LIMCH1: variants seen among roughly 807,000 people sequenced by gnomAD.
The protein encoded by LIMCH1 is LIM and calponin homology domains 1.
LIMCH1 carries 113 observed loss-of-function variants against 176.5 expected under a neutral mutation model. The ratio of observed to expected loss-of-function variants is 0.64; its 90% CI spans 0.55 to 0.75. The LOEUF (loss-of-function observed/expected upper bound fraction) is 0.75. LIMCH1 is among the 30% of genes least tolerant of loss of function. LIMCH1 has a pLI of 0.00. For missense variants in LIMCH1, 1,674 were observed against 1,814.9 expected (o/e 0.92, Z 1.41); for synonymous variants, 619 against 645.9 (o/e 0.96, Z 0.63).
In LIMCH1 at chr4:41,626,917, A is replaced by G. The variant is rs551444038; in HGVS notation, c.935A>G (p.Tyr312Cys). Residue 312 changes from tyrosine to cysteine, a missense_variant, in exon 8 of 32, where the codon TAT (tyrosine) becomes TGT (cysteine). Tyr to Cys is a radical substitution (Grantham distance 194). Transcript: ENST00000503057. ...ATGGTGCCATTAAATCAACTCCTCT[A>G]TGGCCCTTATCCAAAGAAAGGGGCA... Reference protein sequence around the residue: ...KPMVPLNQLLYGPYPKKGAEK... With the variant: ...KPMVPLNQLLCGPYPKKGAEK... 627 of 1,536,124 alleles carry G rather than the reference A, an allele frequency of 4.1e-4. 13 individuals carry two copies. The South Asian group carries it at 7.2e-3, about 18-fold the overall frequency.
chr4:41,411,797 A>C (rs1368906641), intron 1 of LIMCH1, among the ~76,000 whole-genome samples: 1 of 151,868 alleles, frequency 6.6e-6, no homozygotes, highest in Non-Finnish European at 1.5e-5. Context: ...GTTTCTACTA[A>C]AAATACAAAA....
At chr4:41,693,545 T>C (rs1728011652) in intron 31 of LIMCH1, among the ~76,000 whole-genome samples, 1 of 150,226 alleles carries the variant, frequency 6.7e-6, no homozygotes, top group Admixed American at 6.7e-5. Context: ...GTTTTTATAC[T>C]ATGTATTTTA....
intron 2 of LIMCH1, among the ~76,000 whole-genome samples, chr4:41,511,365 C>A (rs1010571473): frequency 3.9e-5 from 6 of 152,350 alleles, no homozygotes; most frequent in Admixed American, 3.9e-4. Flanking sequence ...CCACAACATC[C>A]CCAGTGCTGC....
At chr4:41,416,759 C>T (rs778751424) in intron 1 of LIMCH1, among the ~76,000 whole-genome samples, 1 of 151,708 alleles carries the variant, frequency 6.6e-6, no homozygotes, top group Non-Finnish European at 1.5e-5. Context: ...ATAATATTTA[C>T]TGAATGTTTA....
intron 1 of LIMCH1, among the ~76,000 whole-genome samples, chr4:41,458,773 CAAA>C (rs779184137): frequency 7.5e-5 from 4 of 53,456 alleles, no homozygotes; most frequent in Admixed American, 1.8e-4. Flanking sequence ...ACTCTGTCAC[CAAA>C]AAAAAAAAAA....
At chr4:41,442,073 T>G (rs769200493) in intron 1 of LIMCH1, among the ~76,000 whole-genome samples, 3 of 152,108 alleles carry the variant, frequency 2.0e-5, no homozygotes, top group Non-Finnish European at 4.4e-5. Context: ...ATCCCAGCAA[T>G]TTGGGAGGCC....
chr4:41,463,454 G>A (rs1487918910), intron 1 of LIMCH1, among the ~76,000 whole-genome samples: 5 of 152,024 alleles, frequency 3.3e-5, no homozygotes, highest in Non-Finnish European at 7.4e-5. Context: ...TTAAATTGGT[G>A]GAAAGCTATG....
chr4:41,594,483 T>A (rs774245839), intron 1 of LIMCH1, among the ~76,000 whole-genome samples: 6 of 152,180 alleles, frequency 3.9e-5, no homozygotes, highest in Non-Finnish European at 7.3e-5. Context: ...TGGAAAAATC[T>A]CAGTGTGAAC....
At position 41,697,648 on chromosome 4, in the gene LIMCH1, AT is replaced by A. The variant is rs1273637695; in HGVS notation, c.*464del. 6.4e-6 allele frequency: 1 copy of A among 155,748 alleles called. No homozygotes were observed. The highest frequency in any genetic ancestry group is 1.4e-5 in the Non-Finnish European group (1 of 70,538). The allele number at this position is 155,748 out of a possible 1,614,324, so 9.6% of individuals were successfully genotyped here. ...CTTCTAAGACTGAAGGATAAATTTA[AT>A]GCATTTCAGAAACTAAACATCACAG... On this transcript the variant is annotated 3_prime_UTR_variant, in exon 32 of 32. Transcript: ENST00000503057.
At chr4:41,690,872 C>T (rs1314315049) in intron 30 of LIMCH1, among the ~76,000 whole-genome samples, 1 of 152,092 alleles carries the variant, frequency 6.6e-6, no homozygotes, top group Non-Finnish European at 1.5e-5. Flanking sequence ...AAAGGACAAG[C>T]AAAAATATTC....
chr4:41,594,796 C>T (rs2088409786), intron 1 of LIMCH1, among the ~76,000 whole-genome samples: 1 of 152,180 alleles, frequency 6.6e-6, no homozygotes, highest in African/African-American at 2.4e-5. Context: ...CATCCCAGAT[C>T]TGTGTGTCTG....
chr4:41,667,968 C>CAA (rs11315408), intron 21 of LIMCH1, among the ~76,000 whole-genome samples: 12 of 140,184 alleles, frequency 8.6e-5, no homozygotes, highest in Admixed American at 1.5e-4. Flanking sequence ...TTGTCGCTAC[C>CAA]AAAAAAAAAA....
chr4:41,397,617 T>G (rs2057940872), intron 1 of LIMCH1, among the ~76,000 whole-genome samples: 1 of 152,074 alleles, frequency 6.6e-6, no homozygotes, highest in African/African-American at 2.4e-5. Context: ...TTTTGTGTGT[T>G]TAAAGAGCTG....
chr4:41,366,655 G>C (rs773774646), intron 1 of LIMCH1, among the ~76,000 whole-genome samples: 1 of 150,884 alleles, frequency 6.6e-6, no homozygotes, highest in Non-Finnish European at 1.5e-5. Flanking sequence ...ATAATATAGG[G>C]GAAAAATAGT....
chr4:41,671,397 AACACAC>A (rs141018823), intron 21 of LIMCH1, among the ~76,000 whole-genome samples, 151 bp from the exon 22 acceptor site: 2,560 of 137,546 alleles, frequency 0.019, 46 homozygotes, highest in African/African-American at 0.052. Flanking sequence ...TGACTTACCA[AACACAC>A]ACACACACAC....
chr4:41,624,926 C>G (rs946123285), intron 7 of LIMCH1, among the ~76,000 whole-genome samples: 1 of 152,154 alleles, frequency 6.6e-6, no homozygotes, highest in Non-Finnish European at 1.5e-5. Context: ...TGTGCAGGAT[C>G]GCCAGTTGGA....
chr4:41,472,393 C>A (rs1026628731), intron 1 of LIMCH1, among the ~76,000 whole-genome samples: 2 of 141,900 alleles, frequency 1.4e-5, no homozygotes, highest in East Asian at 4.6e-4. Context: ...TCCTTCATTC[C>A]TCTCTCTCTC....
chr4:41,680,432 T>C (rs1714778213), intron 24 of LIMCH1, among the ~76,000 whole-genome samples: 1 of 152,202 alleles, frequency 6.6e-6, no homozygotes, highest in Non-Finnish European at 1.5e-5. Context: ...GTTTGTTGTT[T>C]GGTAATAGTG....
At position 41,692,251 on chromosome 4, in the gene LIMCH1, T is replaced by C. The variant is rs544842359; in HGVS notation, c.4276-31T>C. The C allele has an allele frequency of 2.4e-5, 30 of 1,268,342 alleles. No homozygotes were observed. The Admixed American group carries it at 4.4e-4, about 18-fold the overall frequency. The allele number at this position is 1,268,342 out of a possible 1,614,324, so 78.6% of individuals were successfully genotyped here. On this transcript the variant is annotated intron_variant, in intron 30 of 31. Coordinates refer to ENST00000503057, the MANE Select transcript of LIMCH1 (RefSeq NM_001330672.2). ...TTAGAAAGAAACAATTCCTTATGCA[T>C]CTTATGATGTCTGTTCTTTTTACCC...
Sources: allele counts gnomAD v4.1 joint callset (sites outside exome capture counted in the v4.1 genomes callset), GRCh38; gene constraint gnomAD v4.1.1; transcripts MANE v1.5; gene names NCBI Gene and HGNC (gene_info 2026-07-23, HGNC 2026-07-21).